PTPN4: variants seen among roughly 807,000 people sequenced by gnomAD.
PTPN4 encodes the protein protein tyrosine phosphatase non-receptor type 4, also known as tyrosine-protein phosphatase non-receptor type 4.
A neutral mutation model predicts 135.5 loss-of-function variants in PTPN4; 49 were observed. The observed-to-expected ratio is 0.36, with a 90% CI of 0.29 to 0.46. PTPN4 has a LOEUF of 0.46. PTPN4 is among the 20% of genes least tolerant of loss of function. PTPN4 has a pLI of 1.00. For synonymous variants in PTPN4, 333 were observed against 369.9 expected, an observed-to-expected ratio of 0.90 and a Z score of 1.14; for missense variants, 860 against 1,101.0, an observed-to-expected ratio of 0.78 and a Z score of 3.10.
chr2:119,930,656 G>A (rs1001646264), intron 13 of PTPN4, among the ~76,000 whole-genome samples: 18 of 152,124 alleles, frequency 1.2e-4, no homozygotes, highest in South Asian at 6.2e-4. Flanking sequence ...GTTATTGTGC[G>A]TGTTAGTCCG....
chr2:119,802,564 A>G (rs1474023601), intron 1 of PTPN4, among the ~76,000 whole-genome samples: 1 of 152,198 alleles, frequency 6.6e-6, no homozygotes, highest in Non-Finnish European at 1.5e-5. Flanking sequence ...TTTGAAATAA[A>G]ACCCCCTTGG....
At chr2:119,884,267 CA>C (rs1186528306) in intron 8 of PTPN4, among the ~76,000 whole-genome samples, 1 of 152,148 alleles carries the variant, frequency 6.6e-6, no homozygotes, top group Non-Finnish European at 1.5e-5. Flanking sequence ...TGCAGAAAAT[CA>C]AAAGAAGAAT....
At chr2:119,820,198 C>A (rs192934674) in intron 2 of PTPN4, among the ~76,000 whole-genome samples, 3 of 152,246 alleles carry the variant, frequency 2.0e-5, no homozygotes, top group Admixed American at 2.0e-4. Context: ...TGACTTATTT[C>A]ATATTCTTGA....
chr2:119,833,692 T>A (rs1261475655), intron 2 of PTPN4, among the ~76,000 whole-genome samples: 2 of 152,176 alleles, frequency 1.3e-5, no homozygotes, highest in South Asian at 2.1e-4. Context: ...TTTTTTTTTT[T>A]AATCACAGTG....
chr2:119,820,687 C>T (rs865988510), intron 2 of PTPN4, among the ~76,000 whole-genome samples: 3 of 152,144 alleles, frequency 2.0e-5, no homozygotes, highest in Non-Finnish European at 4.4e-5. Flanking sequence ...TTGGATAGTT[C>T]AGTATCTGTA....
At chr2:119,954,714 G>A (rs1169538111) in intron 19 of PTPN4, among the ~76,000 whole-genome samples, 1 of 152,146 alleles carries the variant, frequency 6.6e-6, no homozygotes, top group Non-Finnish European at 1.5e-5. Flanking sequence ...GGCCTCCCAG[G>A]TTGTTTTGTA....
At chr2:119,833,897 G>C (rs970886193) in intron 2 of PTPN4, among the ~76,000 whole-genome samples, 1 of 152,142 alleles carries the variant, frequency 6.6e-6, no homozygotes, top group African/African-American at 2.4e-5. Context: ...CAGACTCTGG[G>C]CTTTCACTGG....
intron 1 of PTPN4, among the ~76,000 whole-genome samples, chr2:119,762,734 A>T (rs953591654): frequency 3.3e-5 from 5 of 151,958 alleles, no homozygotes; most frequent in African/African-American, 1.2e-4. Flanking sequence ...AAATTGATCA[A>T]CTCCCTAGGA....
chr2:119,829,147 TCTC>T (rs1326775915), intron 2 of PTPN4, among the ~76,000 whole-genome samples: 1 of 152,194 alleles, frequency 6.6e-6, no homozygotes, highest in Non-Finnish European at 1.5e-5. Flanking sequence ...CATGCTGAAA[TCTC>T]CTACTATGAG....
intron 2 of PTPN4, among the ~76,000 whole-genome samples, chr2:119,857,749 T>G (rs1309688444): frequency 1.3e-5 from 2 of 152,214 alleles, no homozygotes; most frequent in Non-Finnish European, 2.9e-5. Flanking sequence ...TCCTATTGAG[T>G]ATTTTCTGTT....
At chr2:119,894,109 T>C (rs1678282999) in intron 9 of PTPN4, among the ~76,000 whole-genome samples, 1 of 152,148 alleles carries the variant, frequency 6.6e-6, no homozygotes, top group Non-Finnish European at 1.5e-5. Flanking sequence ...ATGAGGAAAA[T>C]GAGACACGGA....
intron 9 of PTPN4, among the ~76,000 whole-genome samples, chr2:119,895,985 A>G (rs1678318438): frequency 6.6e-6 from 1 of 151,856 alleles, no homozygotes; most frequent in Non-Finnish European, 1.5e-5. Context: ...CAATTAGGGT[A>G]TGTGCAGAAA....
chr2:119,958,649 T>G, intron 22 of PTPN4, among the ~76,000 whole-genome samples: 1 of 152,192 alleles, frequency 6.6e-6, no homozygotes, highest in South Asian at 2.1e-4. Context: ...TAGAGACTAT[T>G]TAATCATTGC....
chr2:119,836,427 C>T (rs1677294189), intron 2 of PTPN4, among the ~76,000 whole-genome samples: 1 of 152,236 alleles, frequency 6.6e-6, no homozygotes, highest in African/African-American at 2.4e-5. Context: ...TACTAACTAG[C>T]CAAATAAGAA....
At chr2:119,869,523 T>A (rs1677879084) in intron 3 of PTPN4, among the ~76,000 whole-genome samples, 1 of 152,162 alleles carries the variant, frequency 6.6e-6, no homozygotes, top group African/African-American at 2.4e-5. Context: ...CTAATCCTCT[T>A]TCTGAGTTCT....
intron 1 of PTPN4, 122 bp downstream of exon 1, chr2:119,760,506 TTTGAA>T (rs1194914442): frequency 5.2e-6 from 2 of 385,562 alleles, no homozygotes; most frequent in Non-Finnish European, 4.6e-6. Context: ...ACGAGGATGA[TTTGAA>T]AGGAAGGAAA....
At chr2:119,817,443 G>A (rs1374926516) in intron 2 of PTPN4, among the ~76,000 whole-genome samples, 4 of 151,202 alleles carry the variant, frequency 2.6e-5, no homozygotes, top group Non-Finnish European at 4.4e-5. Flanking sequence ...TGACCATTAT[G>A]TGTCTTGGGG....
Position 119,962,744 on chromosome 2 carries a change from G to A in PTPN4, c.2409G>A (p.Glu803=). Residue 803 remains glutamate, a splice_region_variant and synonymous_variant, in exon 24 of 27, where the codon GAG becomes GAA. Transcript: ENST00000263708. ...GGAAGATGACCCTATTTAACCAAGA[G>A]GTAAGAAGGCAGGATATCTGTTCAT... is the stretch of plus-strand genomic sequence containing the variant. ...IFRKMTLFNQ[E]KNESRPLTQI... 1.3e-6 allele frequency: 2 copies of A among 1,572,658 alleles called. No homozygotes were observed. The highest frequency in any genetic ancestry group is 1.7e-6 in the Non-Finnish European group (2 of 1,153,498).
At chr2:119,922,850 G>A (rs1265672060) in intron 12 of PTPN4, among the ~76,000 whole-genome samples, 3 of 152,118 alleles carry the variant, frequency 2.0e-5, no homozygotes, top group East Asian at 3.8e-4. Context: ...AATAGATAAG[G>A]CAATTAAGGT....
Sources: gnomAD v4.1 joint callset for allele counts (sites outside exome capture counted in the v4.1 genomes callset) on GRCh38, gnomAD v4.1.1 for gene constraint, MANE v1.5 for transcripts, NCBI Gene and HGNC (gene_info 2026-07-23, HGNC 2026-07-21) for gene names.